Variants in PRKCD observed in about 807,000 individuals in gnomAD.
PRKCD encodes the protein protein kinase C delta type.
PRKCD carries 20 observed loss-of-function variants against 82.2 expected under a neutral mutation model. That is an observed-to-expected ratio of 0.24 (90% CI 0.17 to 0.35). The LOEUF is 0.35. PRKCD is among the 10% of genes least tolerant of loss of function. The probability of loss-of-function intolerance (pLI) is 1.00; values close to 1 mark genes in which losing one functional copy is unlikely to be tolerated. For missense variants in PRKCD, 607 were observed against 899.0 expected, an observed-to-expected ratio of 0.68 and a Z score of 4.15; for synonymous variants, 317 against 337.0, an observed-to-expected ratio of 0.94 and a Z score of 0.65.
At chr3:53,178,658 A>C in intron 3 of PRKCD, 121 bp downstream of exon 3, 1 of 794,832 alleles carries the variant, frequency 1.3e-6, no homozygotes, top group Non-Finnish European at 1.9e-6. Context: ...CTCATCCTTG[A>C]CTCCCTGCCC....
chr3:53,186,860 C>T (rs1703716914), intron 14 of PRKCD, among the ~76,000 whole-genome samples, 165 bp downstream of exon 14: 3 of 152,214 alleles, frequency 2.0e-5, no homozygotes, highest in African/African-American at 7.2e-5. Flanking sequence ...GTCGGCACCA[C>T]ACAGGAAGCC....
Position 53,183,457 on chromosome 3 carries a change from G to A in PRKCD, c.663G>A (p.Gln221=), listed in dbSNP as rs137874318. The A allele has an allele frequency of 6.2e-6, 10 of 1,614,178 alleles. No homozygotes were observed. In the African/African-American group the frequency reaches 1.3e-4, roughly 22 times the overall value. Residue 221 remains glutamine (Q), a synonymous_variant, in exon 9 of 19, where the codon CAG becomes CAA. Coordinates refer to ENST00000330452, the MANE Select transcript of PRKCD (RefSeq NM_006254.4). ...TAANSRDTIF[Q]KERFNIDMPH... ...TGTGATACCCCCACCTCCAGTTCCA[G>A]AAAGAACGCTTCAACATCGACATGC...
chr3:53,182,751 C>T (rs540001033), intron 7 of PRKCD, among the ~76,000 whole-genome samples: 24 of 152,114 alleles, frequency 1.6e-4, no homozygotes, highest in Admixed American at 3.3e-4. Flanking sequence ...GAGGCGTGTC[C>T]ATGTGCATGT....
rs540585783 is a variant in PRKCD, at chr3:53,164,453, C to T, written c.-131-651C>T. Reference sequence around the variant, plus strand: ...CAAAAATTAGCTGGGTGTGGTGGCGCGCACCTGTAATCTCAGCTGCTCAGG... The same window carrying T: ...CAAAAATTAGCTGGGTGTGGTGGCGTGCACCTGTAATCTCAGCTGCTCAGG... On this transcript the variant is annotated intron_variant, in intron 1 of 18. Transcript: ENST00000330452. Among the ~76,000 whole-genome samples the T allele has an allele frequency of 1.2e-3, 177 of 152,146 alleles. 1 individual carries two copies. The highest frequency in any genetic ancestry group is 4.1e-3 in the African/African-American group (170 of 41,504).
At chr3:53,175,916 C>T (rs1235341383) in intron 2 of PRKCD, among the ~76,000 whole-genome samples, 1 of 152,202 alleles carries the variant, frequency 6.6e-6, no homozygotes, top group Non-Finnish European at 1.5e-5. Flanking sequence ...GGGATGCTCA[C>T]CCAGATTCCT....
chr3:53,178,043 T>G (rs1250205476), intron 2 of PRKCD, among the ~76,000 whole-genome samples: 1 of 151,530 alleles, frequency 6.6e-6, no homozygotes, highest in Non-Finnish European at 1.5e-5. Flanking sequence ...CCTCCCGGGT[T>G]CAAGTGATTC....
chr3:53,164,560 G>T (rs1702773597), intron 1 of PRKCD, among the ~76,000 whole-genome samples: 1 of 151,912 alleles, frequency 6.6e-6, no homozygotes, highest in African/African-American at 2.4e-5. Context: ...TCCAGCCTGG[G>T]CGATAGAGTG....
At position 53,176,039 on chromosome 3, in the gene PRKCD, C is replaced by T. The variant is rs180687439; in HGVS notation, c.-19-2365C>T. Among the ~76,000 whole-genome samples the T allele has an allele frequency of 7.4e-4, 112 of 152,310 alleles. 3 individuals are homozygous for T. The highest frequency in any genetic ancestry group is 2.6e-3 in the African/African-American group (108 of 41,560). On this transcript the variant is annotated intron_variant, in intron 2 of 18. Coordinates refer to ENST00000330452, the MANE Select transcript of PRKCD (RefSeq NM_006254.4). ...GTATATAATCACATTCCTGTAGACC[C>T]GTGCAACCTCACACACACCGATTCA...
chr3:53,161,747 G>A (rs1702667084), intron 1 of PRKCD, among the ~76,000 whole-genome samples: 1 of 150,550 alleles, frequency 6.6e-6, no homozygotes, highest in Non-Finnish European at 1.5e-5. Flanking sequence ...TCCGTCTGTC[G>A]CCACCCACTC....
intron 2 of PRKCD, among the ~76,000 whole-genome samples, chr3:53,176,498 C>T (rs541444403): frequency 9.2e-5 from 14 of 152,358 alleles, no homozygotes; most frequent in African/African-American, 3.1e-4. Context: ...TGCATGCACA[C>T]GTGTGTGTCT....
At chr3:53,189,272 T>G in intron 17 of PRKCD, 26 bp downstream of exon 17, 18 of 542,004 alleles carry the variant, frequency 3.3e-5, no homozygotes, top group East Asian at 4.9e-5. Flanking sequence ...TGGGCTGGGC[T>G]GGTCTGGGCT....
intron 7 of PRKCD, among the ~76,000 whole-genome samples, chr3:53,182,196 C>T (rs1055091241): frequency 1.1e-4 from 17 of 152,220 alleles, no homozygotes; most frequent in Non-Finnish European, 1.5e-5. Flanking sequence ...GTTTGAATCC[C>T]AGCTCTACCA....
Position 53,181,744 on chromosome 3 carries a change from C to T in PRKCD, c.571+12C>T. 3 of 1,614,164 alleles carry T rather than the reference C, an allele frequency of 1.9e-6. No individual in the cohort carries two copies. The highest frequency in any genetic ancestry group is 2.5e-6 in the Non-Finnish European group (3 of 1,180,028). On this transcript the variant is annotated intron_variant, in intron 7 of 18. Transcript: ENST00000330452. ...CTACAAATGCAGGCGTAAGTGTCTC[C>T]ACAGGCCAGTTTGTACGTATGTACC...
At chr3:53,172,869 A>AGGCTG (rs1703086024) in intron 2 of PRKCD, among the ~76,000 whole-genome samples, 1 of 152,106 alleles carries the variant, frequency 6.6e-6, no homozygotes, top group Non-Finnish European at 1.5e-5. Context: ...TCTGACCAAC[A>AGGCTG]GGCATCATTC....
chr3:53,176,783 G>A (rs1388600317), intron 2 of PRKCD, among the ~76,000 whole-genome samples: 1 of 152,210 alleles, frequency 6.6e-6, no homozygotes, highest in Non-Finnish European at 1.5e-5. Flanking sequence ...AATCTGCAAG[G>A]CACATTCAGC....
chr3:53,168,846 C>T lies in PRKCD; in HGVS notation c.-20+3631C>T, dbSNP rs1457977660. ...GTAACGGTGATGGGGAGGGGGGTGGCGGGGGGCAGGCTGCATGGAGCAGGC... is the reference window on the plus strand; with the variant it reads ...GTAACGGTGATGGGGAGGGGGGTGGTGGGGGGCAGGCTGCATGGAGCAGGC... On this transcript the variant is annotated intron_variant, in intron 2 of 18. Coordinates refer to ENST00000330452, the MANE Select transcript of PRKCD (RefSeq NM_006254.4). Among the ~76,000 whole-genome samples, 14 of 10,634 alleles carry T rather than the reference C, an allele frequency of 1.3e-3. No homozygotes were observed. In the East Asian group the frequency reaches 0.02, roughly 15 times the overall value. The allele number at this position is 10,634 out of a possible 152,430, so 7.0% of individuals were successfully genotyped here. A position where few individuals can be genotyped will look rare whatever the true frequency, so the allele number is the denominator to read the frequency against.
Position 53,188,749 on chromosome 3 carries a change from A to G in PRKCD, c.1445A>G (p.Asp482Gly). 7 of 1,614,204 alleles carry G rather than the reference A, an allele frequency of 4.3e-6. No homozygotes were observed. Among genetic ancestry groups the G allele is most frequent in the Non-Finnish European group, 5.9e-6 (7 of 1,180,028 alleles). ...RDLKLDNVLL[D>G]RDGHIKIADF... ...CTCAAACTGGACAATGTGCTGCTGG[A>G]CCGGGATGGCCACATCAAGATTGCC... is the stretch of plus-strand genomic sequence containing the variant. The change falls in exon 16 of 19, where the codon GAC becomes GGC. Residue 482 changes from aspartate (D) to glycine (G), a missense_variant. Physicochemically the swap from Asp to Gly is moderately conservative, Grantham distance 94 (BLOSUM62 -1). Coordinates refer to ENST00000330452, the MANE Select transcript of PRKCD (RefSeq NM_006254.4).
rs1285170660 is a variant in PRKCD, at chr3:53,165,211, C to G, written c.-24C>G. The G allele has an allele frequency of 6.6e-6, 1 of 152,290 alleles. No individual in the cohort carries two copies. The highest frequency in any genetic ancestry group is 2.4e-5 in the African/African-American group (1 of 41,410). The allele number at this position is 152,290 out of a possible 1,614,324, so 9.4% of individuals were successfully genotyped here. ...CTAAGGACAAGCAGGAGCTGGGAGCCCCAGGTAGGACTGAGTTCTCTTAGG... is the reference window on the plus strand; with the variant it reads ...CTAAGGACAAGCAGGAGCTGGGAGCGCCAGGTAGGACTGAGTTCTCTTAGG... On this transcript the variant is annotated 5_prime_UTR_variant, in exon 2 of 19. Transcript: ENST00000330452.
chr3:53,187,189 G>A (rs1244715329), intron 14 of PRKCD, 151 bp from the exon 15 acceptor site: 1 of 899,638 alleles, frequency 1.1e-6, no homozygotes, highest in African/African-American at 1.6e-5. Context: ...GCCCCCACTT[G>A]CCTGATACAA....
Sources: gnomAD v4.1 joint callset for allele counts (sites outside exome capture counted in the v4.1 genomes callset) on GRCh38, gnomAD v4.1.1 for gene constraint, MANE v1.5 for transcripts, NCBI Gene and HGNC (gene_info 2026-07-23, HGNC 2026-07-21) for gene names.